Variants in TRIM2 observed in about 807,000 individuals in gnomAD.
TRIM2 encodes tripartite motif containing 2.
Under a neutral mutation model 75.2 loss-of-function variants are expected in TRIM2, and 20 were observed. The observed-to-expected ratio is 0.27, with a 90% confidence interval of 0.19 to 0.39. The LOEUF is 0.39. Ranked by LOEUF, TRIM2 falls within the 10% of genes least tolerant of loss-of-function variation. The pLI, the probability that TRIM2 is intolerant of heterozygous loss-of-function variation, is 1.00. For missense variants in TRIM2, 660 were observed against 990.8 expected, an observed-to-expected ratio of 0.67 and a Z score of 4.48; for synonymous variants, 373 against 388.3, an observed-to-expected ratio of 0.96 and a Z score of 0.46.
chr4:153,232,133 A>G (rs755540426), intron 1 of TRIM2, among the ~76,000 whole-genome samples: 9 of 152,246 alleles, frequency 5.9e-5, no homozygotes, highest in Non-Finnish European at 1.0e-4. Context: ...ATTTCCAAAT[A>G]CAGTCACAAT....
At chr4:153,277,417 C>G (rs1369786467) in intron 3 of TRIM2, among the ~76,000 whole-genome samples, 1 of 152,208 alleles carries the variant, frequency 6.6e-6, no homozygotes, top group Non-Finnish European at 1.5e-5. Flanking sequence ...TGCTTGCCAT[C>G]AGCTGTGTAT....
intron 1 of TRIM2, among the ~76,000 whole-genome samples, chr4:153,240,946 G>A (rs1179500106): frequency 7.9e-5 from 12 of 152,144 alleles, no homozygotes; most frequent in Admixed American, 7.2e-4. Flanking sequence ...GCGTGGTGAC[G>A]CACAGCTGTA....
At chr4:153,284,227 G>A (rs1007552815) in intron 3 of TRIM2, among the ~76,000 whole-genome samples, 5 of 148,912 alleles carry the variant, frequency 3.4e-5, no homozygotes, top group Non-Finnish European at 5.9e-5. Flanking sequence ...TTTAGACAGA[G>A]TCTCACTCTG....
At chr4:153,229,831 C>T (rs554620789) in intron 1 of TRIM2, among the ~76,000 whole-genome samples, 7 of 152,298 alleles carry the variant, frequency 4.6e-5, no homozygotes, top group African/African-American at 1.7e-4. Context: ...AACTAAATCT[C>T]GATAGAACTA....
At chr4:153,238,557 A>G (rs1320520954) in intron 1 of TRIM2, among the ~76,000 whole-genome samples, 2 of 152,204 alleles carry the variant, frequency 1.3e-5, no homozygotes, top group Non-Finnish European at 2.9e-5. Context: ...AGGGAGAGGA[A>G]AAGCATGTAT....
chr4:153,328,482 T>C (rs1561024214), intron 10 of TRIM2, 48 bp from the exon 11 acceptor site: 1 of 1,526,406 alleles, frequency 6.6e-7, no homozygotes, highest in Non-Finnish European at 8.9e-7. Flanking sequence ...TCATGTTGGT[T>C]CAAGTATTTT....
Position 153,279,537 on chromosome 4 carries a change from A to G in TRIM2, c.453+3407A>G, listed in dbSNP as rs142459726. Among the ~76,000 whole-genome samples the G allele has an allele frequency of 5.1e-3, 772 of 152,308 alleles. 5 individuals carry two copies. Among genetic ancestry groups the G allele is most frequent in the African/African-American group, 0.018 (729 of 41,570 alleles). On this transcript the variant is annotated intron_variant, in intron 3 of 11. Coordinates refer to ENST00000338700, the MANE Select transcript of TRIM2 (RefSeq NM_015271.5). ...TTGGAAGTGGAAACTTTTTATATCCAATGTGTAGGGTCAAATCTCTACCCA... is the reference window on the plus strand; with the variant it reads ...TTGGAAGTGGAAACTTTTTATATCCGATGTGTAGGGTCAAATCTCTACCCA...
intron 1 of TRIM2, among the ~76,000 whole-genome samples, chr4:153,238,387 G>C (rs527664155): frequency 2.6e-5 from 4 of 152,228 alleles, no homozygotes; most frequent in African/African-American, 9.6e-5. Flanking sequence ...TAAAGGTAAT[G>C]AATTAGCGGT....
intron 6 of TRIM2, among the ~76,000 whole-genome samples, chr4:153,314,419 CAAAAAAAAAAAA>C (rs58410286): frequency 3.4e-5 from 2 of 58,884 alleles, no homozygotes; most frequent in South Asian, 7.0e-4. Flanking sequence ...GACTCCGTCT[CAAAAAAAAAAAA>C]AAAAAAAAAA....
chr4:153,289,137 A>G (rs62323742), intron 3 of TRIM2, among the ~76,000 whole-genome samples: 39,912 of 151,770 alleles, frequency 0.26, 6,271 homozygotes, highest in South Asian at 0.39. Flanking sequence ...TGTGTGCTTC[A>G]CTTTTTTCCA....
upstream of TRIM2, among the ~76,000 whole-genome samples, chr4:153,203,126 A>AAAG (rs1553962330): frequency 3.6e-4 from 52 of 143,724 alleles, no homozygotes; most frequent in African/African-American, 1.3e-3. Flanking sequence ...AAAAAAAAAA[A>AAAG]AGTGGAATTT....
intron 1 of TRIM2, among the ~76,000 whole-genome samples, chr4:153,224,388 G>T (rs78043687): frequency 6.6e-6 from 1 of 152,250 alleles, no homozygotes; most frequent in Middle Eastern, 3.4e-3. Context: ...CTAATGAAAA[G>T]TCTTCTAGGT....
At chr4:153,261,356 G>A (rs962607654) in intron 1 of TRIM2, among the ~76,000 whole-genome samples, 2 of 152,138 alleles carry the variant, frequency 1.3e-5, no homozygotes, top group Admixed American at 1.3e-4. Context: ...CTGGGAGGTG[G>A]ACGTTGCAGT....
intron 1 of TRIM2, among the ~76,000 whole-genome samples, chr4:153,260,696 C>CACACACACACACACA (rs1560902840): frequency 0.016 from 904 of 58,016 alleles, 113 homozygotes; most frequent in African/African-American, 0.049. Context: ...ACCCACCCCC[C>CACACACACACACACA]CCCCCACACA....
chr4:153,246,787 T>G lies in TRIM2; in HGVS notation c.31-23548T>G, dbSNP rs140188806. Among the ~76,000 whole-genome samples, 578 of 152,296 alleles carry G rather than the reference T, an allele frequency of 3.8e-3. 2 individuals carry two copies. Among genetic ancestry groups the G allele is most frequent in the Non-Finnish European group, 5.8e-3 (393 of 68,026 alleles). ...CACTGGGCTCACCCTGACCAAGGGC[T>G]CACAACACCCTCGGGTCAGGCCTCA... On this transcript the variant is annotated intron_variant, in intron 1 of 11. Transcript: ENST00000338700.
At chr4:153,315,423 G>A in intron 6 of TRIM2, 62 bp from the exon 7 acceptor site, 1 of 1,315,740 alleles carries the variant, frequency 7.6e-7, no homozygotes, top group South Asian at 1.4e-5. Flanking sequence ...TTATTCTCTT[G>A]CTGAAACAGA....
rs1769278913 is a variant in TRIM2, at chr4:153,322,702, A to G, written c.1837A>G (p.Asn613Asp). 6.2e-7 allele frequency: 1 copy of G among 1,614,102 alleles called. No homozygotes were observed. Among genetic ancestry groups the G allele is most frequent in the Non-Finnish European group, 8.5e-7 (1 of 1,180,040 alleles). Residue 613 changes from asparagine (N) to aspartate (D), a missense_variant, in exon 9 of 12, where the codon AAT becomes GAT. Physicochemically the swap from Asn to Asp is conservative, Grantham distance 23 (BLOSUM62 1). Transcript: ENST00000338700. ...MGPKGVSVDR[N>D]GHIIVVDNKA... is the part of the protein sequence containing the mutation. ...ACCCAAAGGAGTTTCTGTGGACCGCAATGGGCACATTATTGTTGTGGACAA... is the reference window on the plus strand; with the variant it reads ...ACCCAAAGGAGTTTCTGTGGACCGCGATGGGCACATTATTGTTGTGGACAA...
At chr4:153,162,751 C>T (rs769812700) in intron 1 of TRIM2, among the ~76,000 whole-genome samples, 1 of 152,168 alleles carries the variant, frequency 6.6e-6, no homozygotes, top group Non-Finnish European at 1.5e-5. Context: ...CTGTTGTAGC[C>T]TTGAGTTATA....
chr4:153,211,920 G>A (rs913418443), intron 1 of TRIM2, among the ~76,000 whole-genome samples: 2 of 152,140 alleles, frequency 1.3e-5, no homozygotes, highest in Non-Finnish European at 2.9e-5. Flanking sequence ...CTGTGAGAAG[G>A]CTGTCTCCCA....
Sources: allele counts gnomAD v4.1 joint callset (sites outside exome capture counted in the v4.1 genomes callset), GRCh38; gene constraint gnomAD v4.1.1; transcripts MANE v1.5; gene names NCBI Gene and HGNC (gene_info 2026-07-23, HGNC 2026-07-21).